The following ZNF384 variants were observed in gnomAD, a reference collection of about 807,000 sequenced individuals.
The protein encoded by ZNF384 is zinc finger protein 384.
In ZNF384, 20 loss-of-function variants were observed where a neutral mutation model predicts 65.0. That is an observed-to-expected ratio of 0.31 (90% CI 0.22 to 0.45). ZNF384 has a LOEUF of 0.45. ZNF384 is among the 20% of genes least tolerant of loss of function. The pLI is 1.00. For missense variants in ZNF384, 549 were observed against 769.4 expected, an observed-to-expected ratio of 0.71 and a Z score of 3.39; for synonymous variants, 310 against 303.9, an observed-to-expected ratio of 1.02 and a Z score of -0.21.
chr12:6,668,657 G>A (rs1054358292), intron 11 of ZNF384, among the ~76,000 whole-genome samples: 6 of 148,922 alleles, frequency 4.0e-5, no homozygotes, highest in Non-Finnish European at 7.4e-5. Flanking sequence ...GAGCCGAGCC[G>A]AGATCACACC....
rs758501954 is a variant in ZNF384, at chr12:6,666,542, T to G, written c.*1172A>C. On this transcript the variant is annotated 3_prime_UTR_variant, in exon 12 of 12. Transcript: ENST00000683879. Reference sequence around the variant, plus strand: ...CACCCCTTGGTTTGTACATAAGTTTTTTTCTTTTTTTCTTCATTTTTAAAT... The same window carrying G: ...CACCCCTTGGTTTGTACATAAGTTTGTTTCTTTTTTTCTTCATTTTTAAAT... 3.1e-5 allele frequency: 5 copies of G among 162,376 alleles called. No homozygotes were observed. The highest frequency in any genetic ancestry group is 5.4e-5 in the Non-Finnish European group (4 of 74,568). The allele number at this position is 162,376 out of a possible 1,614,324, so 10.1% of individuals were successfully genotyped here.
upstream of ZNF384, chr12:6,689,523 G>C (rs1959172860): frequency 6.6e-6 from 1 of 152,454 alleles, no homozygotes; most frequent in Non-Finnish European, 1.5e-5. Flanking sequence ...TGTAGGGGGG[G>C]CGCTAATGGA....
rs985886896 is a variant in ZNF384, at chr12:6,678,583, C to T, written c.352+80G>A. 4.9e-5 allele frequency: 76 copies of T among 1,561,706 alleles called. No homozygotes were observed. Among genetic ancestry groups the T allele is most frequent in the Non-Finnish European group, 6.1e-5 (69 of 1,139,886 alleles). ...CCCCCCGCCGACCCAACCCAGAGTA[C>T]ACAGGAAATCCCAAACCCTGTAGAA... On this transcript the variant is annotated intron_variant, in intron 5 of 11. Coordinates refer to ENST00000683879, the MANE Select transcript of ZNF384 (RefSeq NM_001385745.1). This position sits in a 1 kb window ranked among gnomAD's most constrained non-coding sequence, Gnocchi z 4.9.
At chr12:6,682,086 G>A (rs1956166571) in intron 2 of ZNF384, among the ~76,000 whole-genome samples, 1 of 144,152 alleles carries the variant, frequency 6.9e-6, no homozygotes, top group African/African-American at 2.6e-5. Context: ...GAGGTCTGGA[G>A]TTTGAGACCA....
chr12:6,677,198 C>G lies in ZNF384; in HGVS notation c.748G>C (p.Gly250Arg). Residue 250 changes from glycine (G) to arginine (R), a missense_variant, in exon 7 of 12, where the codon GGC becomes CGC. By Grantham distance (125) the Gly-to-Arg change is moderately radical. This residue lies in a region of ZNF384 where 277 missense variants were observed against 337.2 expected (regional missense o/e 0.82). Transcript: ENST00000683879. Reference protein sequence around the residue: ...QSLGLMDSVPGSTTNLLCDPG... With the variant: ...QSLGLMDSVPRSTTNLLCDPG... The stretch of plus-strand genomic sequence containing the variant: ...TCACACAGCAAATTCGTGGTGGAGC[C>G]GGGAACTGAATCCATGAGCCCAAGG... The G allele has an allele frequency of 8.0e-7, 1 of 1,246,622 alleles. No individual in the cohort carries two copies. The highest frequency in any genetic ancestry group is 1.1e-6 in the Non-Finnish European group (1 of 941,670). The allele number at this position is 1,246,622 out of a possible 1,614,324, so 77.2% of individuals were successfully genotyped here.
Position 6,667,872 on chromosome 12 carries a change from C to T in ZNF384, c.1669G>A (p.Ala557Thr), listed in dbSNP as rs777495157. The T allele has an allele frequency of 1.9e-6, 3 of 1,613,802 alleles. No homozygotes were observed. In the African/African-American group the frequency reaches 4.0e-5, roughly 22 times the overall value. The change falls in exon 12 of 12, where the codon GCA becomes ACA. Residue 557 changes from alanine to threonine, a missense_variant. By Grantham distance (58) the Ala-to-Thr change is moderately conservative. Coordinates refer to ENST00000683879, the MANE Select transcript of ZNF384 (RefSeq NM_001385745.1). ...CCACCACCCCCACCCTGGGGGGCTG[C>T]CCCAGGAGACTGGAAGTGTGGTGGT... ...QPPPHFQSPG[A>T]APQGGGGGDS... is the part of the protein sequence containing the mutation.
At position 6,667,682 on chromosome 12, in the gene ZNF384, T is replaced by C; in HGVS notation, c.*32A>G. 1 of 1,613,934 alleles carries C rather than the reference T, an allele frequency of 6.2e-7. No homozygotes were observed. Among genetic ancestry groups the C allele is most frequent in the Non-Finnish European group, 8.5e-7 (1 of 1,180,000 alleles). On this transcript the variant is annotated 3_prime_UTR_variant, in exon 12 of 12. Transcript: ENST00000683879. ...AGAAAGAAGACACCAGGACTACTTC[T>C]TCCTCTTCCCAGTGGGTGGCAGCAC...
In ZNF384 at chr12:6,672,119, A is replaced by G. The variant is rs1951722129; in HGVS notation, c.1187+231T>C. On this transcript the variant is annotated intron_variant, in intron 9 of 11. Coordinates refer to ENST00000683879, the MANE Select transcript of ZNF384 (RefSeq NM_001385745.1). This position sits in a 1 kb window ranked among gnomAD's most constrained non-coding sequence, Gnocchi z 4.4. ...GTGTCTGTCTCCCATGGATCAGTGA[A>G]TATCATATAGTCACTGCAGCTCCCC... 2.0e-6 allele frequency: 1 copy of G among 508,308 alleles called. No individual in the cohort carries two copies. Among genetic ancestry groups the G allele is most frequent in the African/African-American group, 1.9e-5 (1 of 52,044 alleles). 31.5% of individuals were successfully genotyped at this position (508,308 alleles called of 1,614,324 possible). A position where few individuals can be genotyped will look rare whatever the true frequency, so the allele number is the denominator to read the frequency against.
intron 2 of ZNF384, among the ~76,000 whole-genome samples, chr12:6,686,753 C>A (rs996611968): frequency 6.6e-6 from 1 of 152,174 alleles, no homozygotes; most frequent in Admixed American, 6.5e-5. Context: ...GCCCCAAGTG[C>A]TCCTGAAAAG....
Position 6,678,246 on chromosome 12 carries a change from C to T in ZNF384, c.567G>A (p.Lys189=). 6.2e-7 allele frequency: 1 copy of T among 1,614,152 alleles called. No homozygotes were observed. Among genetic ancestry groups the T allele is most frequent in the Non-Finnish European group, 8.5e-7 (1 of 1,180,022 alleles). ...GCTTCTTCTTCCGGCCCCGGGGTGGCTTAGGAGCCACACTGCCACCTCCAC... is the reference window on the plus strand; with the variant it reads ...GCTTCTTCTTCCGGCCCCGGGGTGGTTTAGGAGCCACACTGCCACCTCCAC... ...GGGGGGSVAP[K]PPRGRKKKRM... The change falls in exon 6 of 12, where the codon AAG becomes AAA. Residue 189 remains lysine (K), a synonymous_variant. Transcript: ENST00000683879. This position sits in a 1 kb window ranked among gnomAD's most constrained non-coding sequence, Gnocchi z 4.9.
chr12:6,668,813 G>T (rs1950454460), intron 11 of ZNF384, among the ~76,000 whole-genome samples: 1 of 151,946 alleles, frequency 6.6e-6, no homozygotes, highest in African/African-American at 2.4e-5. Flanking sequence ...GTAAAATGAA[G>T]AATTACAGCT....
In ZNF384 at chr12:6,668,018, T is replaced by C. The variant is rs1156580506; in HGVS notation, c.1523A>G (p.Gln508Arg). ...CTGAGCCTGGGCTTGAGCTTGAGCC[T>C]GGGCCTGGGCCACTGCTGCCGCTGC... ...AAAAAAVAQA[Q>R]AQAQAQAQAQ... Residue 508 changes from glutamine (Q) to arginine (R), a missense_variant, in exon 12 of 12, where the codon CAG becomes CGG. This residue lies in a region of ZNF384 where 136 missense variants were observed against 183.0 expected (regional missense o/e 0.74). Transcript: ENST00000683879. The C allele has an allele frequency of 6.2e-7, 1 of 1,613,476 alleles. No homozygotes were observed. Among genetic ancestry groups the C allele is most frequent in the South Asian group, 1.1e-5 (1 of 90,992 alleles).
In ZNF384 at chr12:6,678,825, T is replaced by C. The variant is rs1954758817; in HGVS notation, c.305-115A>G. On this transcript the variant is annotated intron_variant, in intron 4 of 11. Coordinates refer to ENST00000683879, the MANE Select transcript of ZNF384 (RefSeq NM_001385745.1). This position sits in a 1 kb window ranked among gnomAD's most constrained non-coding sequence, Gnocchi z 4.9. ...TGCTAGGCACACAGTAGGCACTTAA[T>C]AAAAATTTGATTGAATAATCAAACA... The C allele has an allele frequency of 1.4e-6, 2 of 1,471,364 alleles. No homozygotes were observed. 91.1% of individuals were successfully genotyped at this position (1,471,364 alleles called of 1,614,324 possible). A position where few individuals can be genotyped will look rare whatever the true frequency, so the allele number is the denominator to read the frequency against.
intron 6 of ZNF384, among the ~76,000 whole-genome samples, chr12:6,677,861 ACT>A (rs751345982): frequency 3.3e-5 from 5 of 152,158 alleles, no homozygotes; most frequent in Non-Finnish European, 7.3e-5. Flanking sequence ...GAGAAATTCT[ACT>A]CTGTTACTAA....
chr12:6,668,248 G>T, intron 11 of ZNF384, 133 bp from the exon 12 acceptor site: 1 of 910,380 alleles, frequency 1.1e-6, no homozygotes, highest in Non-Finnish European at 1.7e-6. Flanking sequence ...CCAAGACTGA[G>T]CAAAACTCAA....
At chr12:6,671,528 C>T (rs933924082) in intron 9 of ZNF384, 10 of 152,310 alleles carry the variant, frequency 6.6e-5, no homozygotes, top group African/African-American at 2.4e-4. Context: ...TTCGGGACCT[C>T]TGGTATAAAA....
chr12:6,670,915 G>C (rs1951252554), intron 9 of ZNF384, 77 bp from the exon 10 acceptor site: 1 of 1,327,132 alleles, frequency 7.5e-7, no homozygotes, highest in African/African-American at 1.4e-5. Context: ...TCTTCTCCAG[G>C]CCCATCCTGC....
At chr12:6,684,105 A>G (rs1377331823) in intron 2 of ZNF384, among the ~76,000 whole-genome samples, 1 of 152,218 alleles carries the variant, frequency 6.6e-6, no homozygotes, top group Non-Finnish European at 1.5e-5. Flanking sequence ...TGTTCTAAGC[A>G]CTTTACAACT....
chr12:6,669,251 C>T, intron 10 of ZNF384, 62 bp from the exon 11 acceptor site: 1 of 1,508,046 alleles, frequency 6.6e-7, no homozygotes, highest in Non-Finnish European at 8.9e-7. Flanking sequence ...CCCCCTTGAC[C>T]TCGATGGAAA....
Sources: allele counts gnomAD v4.1 joint callset (sites outside exome capture counted in the v4.1 genomes callset), GRCh38; gene constraint gnomAD v4.1.1; regional missense constraint gnomAD v4.1.1; non-coding constraint Gnocchi (gnomAD v3.1); transcripts MANE v1.5; gene names NCBI Gene and HGNC (gene_info 2026-07-23, HGNC 2026-07-21).